The following PROSER1 variants were observed in gnomAD, a reference collection of about 807,000 sequenced individuals.
PROSER1 encodes the protein proline and serine-rich protein 1.
Under a neutral mutation model 71.8 loss-of-function variants are expected in PROSER1, and 36 were observed. The observed-to-expected ratio is 0.50, with a 90% CI of 0.38 to 0.66. The LOEUF is 0.66. Among genes scored for constraint, PROSER1 ranks in the 30% least tolerant of loss-of-function variants. The pLI is 0.00. For missense variants in PROSER1, 1,107 were observed against 1,135.0 expected (o/e 0.98, Z 0.35); for synonymous variants, 490 against 452.4 (o/e 1.08, Z -1.06).
In PROSER1 at chr13:39,020,078, T is replaced by TAA. The variant is rs34446921; in HGVS notation, c.730+2246_730+2247dup. Reference sequence around the variant, plus strand: ...ATCTATCTAGAAAACTCAAGAGACTTAAAAAAAAAAAAAAACTAGAGAGGG... The same window carrying TAA: ...ATCTATCTAGAAAACTCAAGAGACTTAAAAAAAAAAAAAAAAACTAGAGAGGG... On this transcript the variant is annotated intron_variant, in intron 9 of 12. Coordinates refer to ENST00000352251, the MANE Select transcript of PROSER1 (RefSeq NM_025138.5). Among the ~76,000 whole-genome samples, 1,350 of 137,598 alleles carry TAA rather than the reference T, an allele frequency of 9.8e-3. 26 individuals are homozygous for TAA. Among genetic ancestry groups the TAA allele is most frequent in the African/African-American group, 0.032 (1,226 of 38,356 alleles). The allele number at this position is 137,598 out of a possible 152,430, so 90.3% of individuals were successfully genotyped here.
chr13:39,023,685 T>C (rs879266909), intron 7 of PROSER1: 2 of 152,536 alleles, frequency 1.3e-5, no homozygotes, highest in African/African-American at 4.8e-5. Context: ...TTCTGCCTTT[T>C]GAAATCCATA....
intron 2 of PROSER1, 80 bp from the exon 3 acceptor site, chr13:39,031,711 T>C (rs760501915): frequency 7.7e-7 from 1 of 1,298,162 alleles, no homozygotes; most frequent in South Asian, 1.2e-5. Context: ...GAAATTATAA[T>C]TCGACACGTG....
Position 39,010,050 on chromosome 13 carries a change from CAG to C in PROSER1, c.*1313_*1314del, listed in dbSNP as rs750797932. ...ACGAATGAGCAATCAGTAGTATAAA[CAG>C]AGTTACAACTAAATTTGGATAAAAA... On this transcript the variant is annotated 3_prime_UTR_variant, in exon 13 of 13. Coordinates refer to ENST00000352251, the MANE Select transcript of PROSER1 (RefSeq NM_025138.5). 1.3e-4 allele frequency: 18 copies of C among 143,474 alleles called. No individual in the cohort carries two copies. The highest frequency in any genetic ancestry group is 2.0e-4 in the African/African-American group (7 of 34,202). The allele number at this position is 143,474 out of a possible 1,614,324, so 8.9% of individuals were successfully genotyped here.
At chr13:39,035,528 G>A (rs1871058816) in intron 1 of PROSER1, among the ~76,000 whole-genome samples, 1 of 152,188 alleles carries the variant, frequency 6.6e-6, no homozygotes, top group Admixed American at 6.5e-5. Flanking sequence ...AATGACTGGA[G>A]AAAGTGCTTA....
At chr13:39,031,657 A>T in intron 2 of PROSER1, 26 bp from the exon 3 acceptor site, 1 of 1,591,010 alleles carries the variant, frequency 6.3e-7, no homozygotes, top group African/African-American at 1.3e-5. Flanking sequence ...TAACAGCTCT[A>T]ATGACAGCAT....
At position 39,022,350 on chromosome 13, in the gene PROSER1, ATGGAGG is replaced by A. The variant is rs779590796; in HGVS notation, c.700_705del (p.Pro234_Pro235del). The A allele has an allele frequency of 2.5e-6, 4 of 1,611,528 alleles. No individual in the cohort carries two copies. The highest frequency in any genetic ancestry group is 1.7e-5 in the Admixed American group (1 of 60,008). On this transcript the variant is annotated inframe_deletion, in exon 9 of 13. Transcript: ENST00000352251. ...CCTGTTCCTACAGGATTAGGAGTATATGGAGGTGGAGGTGGAGCTATGACATTCGCT... is the reference window on the plus strand; with the variant it reads ...CCTGTTCCTACAGGATTAGGAGTATATGGAGGTGGAGCTATGACATTCGCT...
At chr13:39,037,072 G>T in intron 1 of PROSER1, 126 bp downstream of exon 1, 1 of 706,996 alleles carries the variant, frequency 1.4e-6, no homozygotes. Flanking sequence ...CATTACACGT[G>T]AAAATTCAAA....
rs1428213529 is a variant in PROSER1 at position 39,026,299 on chromosome 13, C to G, written c.458G>C (p.Ser153Thr). 1 of 1,611,728 alleles carries G rather than the reference C, an allele frequency of 6.2e-7. No individual in the cohort carries two copies. Among genetic ancestry groups the G allele is most frequent in the Admixed American group, 1.7e-5 (1 of 59,928 alleles). ...TACTGGGAAAATTCCATTTATGCGG[C>G]TAGGTCTTCCTTTGGGATATGGATT... is the stretch of plus-strand genomic sequence containing the variant. ...PGNPYPKGRP[S>T]RINGIFPGTP... The change falls in exon 6 of 13, where the codon AGC (serine) becomes ACC (threonine). Residue 153 changes from serine (S) to threonine (T), a missense_variant. Physicochemically the swap from Ser to Thr is moderately conservative, Grantham distance 58. Coordinates refer to ENST00000352251, the MANE Select transcript of PROSER1 (RefSeq NM_025138.5).
intron 7 of PROSER1, chr13:39,023,631 C>T: frequency 6.5e-6 from 1 of 153,190 alleles, no homozygotes; most frequent in Non-Finnish European, 1.5e-5. Context: ...TCTGACAACT[C>T]CAGTAGAACA....
In PROSER1 at chr13:39,022,346, G is replaced by A. The variant is rs1438537560; in HGVS notation, c.710C>T (p.Thr237Ile). ...NVIAPPPPPY[T>I]PNPVGTENED... ...TTTACCTGTTCCTACAGGATTAGGA[G>A]TATATGGAGGTGGAGGTGGAGCTAT... Residue 237 changes from threonine (T) to isoleucine (I), a missense_variant, in exon 9 of 13, where the codon ACT becomes ATT. Transcript: ENST00000352251. 7 of 1,609,596 alleles carry A rather than the reference G, an allele frequency of 4.3e-6. No individual in the cohort carries two copies. The highest frequency in any genetic ancestry group is 6.0e-6 in the Non-Finnish European group (7 of 1,176,078).
chr13:39,029,306 G>GT lies in PROSER1; in HGVS notation c.249dup (p.Leu84ThrfsTer5). On this transcript the variant is annotated frameshift_variant, in exon 4 of 13. Transcript: ENST00000352251. LOFTEE classifies it high-confidence loss of function. Reference sequence around the variant, plus strand: ...GAGGCTAACAGTTCAAGAGCAACTAGTTTGTCTTTACTGAAAGTGAAACAG... The same window carrying GT: ...GAGGCTAACAGTTCAAGAGCAACTAGTTTTGTCTTTACTGAAAGTGAAACAG... 1 of 1,474,350 alleles carries GT rather than the reference G, an allele frequency of 6.8e-7. No homozygotes were observed. Among genetic ancestry groups the GT allele is most frequent in the East Asian group, 2.5e-5 (1 of 40,110 alleles). The allele number at this position is 1,474,350 out of a possible 1,614,324, so 91.3% of individuals were successfully genotyped here. A position where few individuals can be genotyped will look rare whatever the true frequency, so the allele number is the denominator to read the frequency against.
At chr13:39,012,652 G>T in intron 11 of PROSER1, 39 bp downstream of exon 11, 1 of 1,398,202 alleles carries the variant, frequency 7.2e-7, no homozygotes, top group Non-Finnish European at 9.8e-7. Flanking sequence ...CAAGTTAGGT[G>T]AAGAATAATT....
rs1869776008 is a variant in PROSER1, at chr13:39,013,210, A to C, written c.2042T>G (p.Leu681Arg). The change falls in exon 11 of 13, where the codon CTT (leucine) becomes CGT (arginine). Residue 681 changes from leucine to arginine, a missense_variant. Physicochemically the swap from Leu to Arg is moderately radical, Grantham distance 102. Transcript: ENST00000352251. ...NGSNPLSSIS[L>R]PPHGSSTPIA... ...GGGAGTGGAGGAACCATGTGGTGGA[A>C]GGGAAATAGAGGAAAGAGGATTTGA... The C allele has an allele frequency of 2.5e-6, 4 of 1,614,166 alleles. No individual in the cohort carries two copies. The highest frequency in any genetic ancestry group is 3.4e-6 in the Non-Finnish European group (4 of 1,180,022).
intron 1 of PROSER1, among the ~76,000 whole-genome samples, chr13:39,036,706 A>G (rs527310687): frequency 6.6e-6 from 1 of 152,304 alleles, no homozygotes; most frequent in East Asian, 1.9e-4. Flanking sequence ...GTGACTTTAA[A>G]CTTAATGCCA....
At chr13:39,031,176 A>G (rs906488288) in intron 3 of PROSER1, among the ~76,000 whole-genome samples, 1 of 152,248 alleles carries the variant, frequency 6.6e-6, no homozygotes, top group Non-Finnish European at 1.5e-5. Flanking sequence ...AGTGGCTACC[A>G]CAATGGACAG....
chr13:39,016,864 G>A (rs1386329048), intron 10 of PROSER1, among the ~76,000 whole-genome samples: 2 of 152,082 alleles, frequency 1.3e-5, no homozygotes, highest in Non-Finnish European at 2.9e-5. Flanking sequence ...GTACTACAAT[G>A]GTCAGGCTAT....
In PROSER1 at chr13:39,037,523, C is replaced by A; in HGVS notation, c.-281G>T. On this transcript the variant is annotated 5_prime_UTR_variant, in exon 1 of 13. Coordinates refer to ENST00000352251, the MANE Select transcript of PROSER1 (RefSeq NM_025138.5). The stretch of plus-strand genomic sequence containing the variant: ...TGGTTCAGGGCACCTCGGGCAAGAG[C>A]CAGGTCCTCTGAGTTTTGCAGAAAA... 2 of 332,432 alleles carry A rather than the reference C, an allele frequency of 6.0e-6. No homozygotes were observed. Among genetic ancestry groups the A allele is most frequent in the African/African-American group, 2.1e-5 (1 of 47,112 alleles). 20.6% of individuals were successfully genotyped at this position (332,432 alleles called of 1,614,324 possible).
At chr13:39,022,467 T>C in intron 8 of PROSER1, 55 bp from the exon 9 acceptor site, 5 of 1,195,980 alleles carry the variant, frequency 4.2e-6, no homozygotes, top group Non-Finnish European at 6.2e-6. Context: ...CTGTGACTGG[T>C]ATTGTTCTGT....
At chr13:39,025,846 A>G (rs1870521455) in intron 6 of PROSER1, among the ~76,000 whole-genome samples, 1 of 152,216 alleles carries the variant, frequency 6.6e-6, no homozygotes, top group Non-Finnish European at 1.5e-5. Context: ...GCTGTTTTAC[A>G]AAGAGGTTTG....
Sources: allele counts gnomAD v4.1 joint callset (sites outside exome capture counted in the v4.1 genomes callset), GRCh38; gene constraint gnomAD v4.1.1; transcripts MANE v1.5; gene names NCBI Gene and HGNC (gene_info 2026-07-23, HGNC 2026-07-21).